Variants in CCSER1 observed in about 807,000 individuals in gnomAD.
CCSER1 encodes coiled-coil serine rich protein 1, also known as serine-rich coiled-coil domain-containing protein 1.
CCSER1 carries 41 observed loss-of-function variants against 82.0 expected under a neutral mutation model. That is an observed-to-expected ratio of 0.50 (90% CI 0.39 to 0.65). CCSER1 has a LOEUF of 0.65. Among genes scored for constraint, CCSER1 ranks in the 30% least tolerant of loss-of-function variants. The pLI is 0.00. For missense variants in CCSER1, 1,119 were observed against 1,064.2 expected, an observed-to-expected ratio of 1.05 and a Z score of -0.72; for synonymous variants, 414 against 383.9, an observed-to-expected ratio of 1.08 and a Z score of -0.92.
chr4:90,971,457 T>A (rs534761036), intron 9 of CCSER1, among the ~76,000 whole-genome samples: 19 of 152,044 alleles, frequency 1.2e-4, no homozygotes, highest in Non-Finnish European at 2.5e-4. Context: ...GGGATTACAA[T>A]TGAACATGAG....
At chr4:90,477,831 T>C (rs1765319524) in intron 5 of CCSER1, among the ~76,000 whole-genome samples, 1 of 152,094 alleles carries the variant, frequency 6.6e-6, no homozygotes, top group South Asian at 2.1e-4. Context: ...ATGATAGTTG[T>C]CCAACATTAT....
intron 10 of CCSER1, among the ~76,000 whole-genome samples, chr4:91,375,886 C>A (rs1028119079): frequency 1.3e-5 from 2 of 151,960 alleles, no homozygotes; most frequent in African/African-American, 4.8e-5. Flanking sequence ...TTGCATTATA[C>A]CTCATTGGGG....
intron 1 of CCSER1, among the ~76,000 whole-genome samples, chr4:90,273,246 G>C (rs1288937801): frequency 6.6e-6 from 1 of 151,886 alleles, no homozygotes; most frequent in Admixed American, 6.6e-5. Context: ...TGGGAAGATG[G>C]GATAGTTAAT....
At chr4:91,522,596 G>T (rs1760542839) in intron 10 of CCSER1, among the ~76,000 whole-genome samples, 1 of 152,136 alleles carries the variant, frequency 6.6e-6, no homozygotes, top group Non-Finnish European at 1.5e-5. Flanking sequence ...CACATACCTT[G>T]TAAGTTGGAT....
intron 10 of CCSER1, among the ~76,000 whole-genome samples, chr4:91,097,451 T>C (rs756495258): frequency 4.6e-5 from 7 of 152,184 alleles, no homozygotes; most frequent in Non-Finnish European, 1.0e-4. Flanking sequence ...CTTAAAGTGA[T>C]GAACAGTCTT....
chr4:91,337,512 G>C lies in CCSER1; in HGVS notation c.2217+251518G>C, dbSNP rs1290152749. 2.0e-5 allele frequency among the ~76,000 whole-genome samples: 3 copies of C among 152,176 alleles called. No individual in the cohort carries two copies. The South Asian group carries it at 6.2e-4, about 32-fold the overall frequency. ...TCCATATTGATATTCCATGCATTAG[G>C]CATCTTATAAACTTTGGACTGCAGC... On this transcript the variant is annotated intron_variant, in intron 10 of 10. Transcript: ENST00000509176.
chr4:91,517,098 G>A (rs1283960114), intron 10 of CCSER1, among the ~76,000 whole-genome samples: 2 of 152,124 alleles, frequency 1.3e-5, no homozygotes, highest in Admixed American at 6.6e-5. Context: ...GGAACTTTTG[G>A]TCAGACAATA....
intron 10 of CCSER1, among the ~76,000 whole-genome samples, chr4:91,425,628 T>C (rs906312181): frequency 2.1e-4 from 32 of 151,874 alleles, no homozygotes; most frequent in African/African-American, 7.3e-4. Context: ...TCAACTTTTA[T>C]CTTAAGTTAA....
chr4:91,269,840 A>G (rs1581877494), intron 10 of CCSER1, among the ~76,000 whole-genome samples: 1 of 152,250 alleles, frequency 6.6e-6, no homozygotes, highest in South Asian at 2.1e-4. Flanking sequence ...TTTAGATTCC[A>G]ATTGTGTACT....
At chr4:90,891,085 CAAAT>C (rs1279166760) in intron 8 of CCSER1, among the ~76,000 whole-genome samples, 2 of 151,468 alleles carry the variant, frequency 1.3e-5, no homozygotes, top group African/African-American at 4.9e-5. Flanking sequence ...AGATAATTTC[CAAAT>C]AAAGTTAGGA....
chr4:90,272,895 C>T (rs550928202), intron 1 of CCSER1, among the ~76,000 whole-genome samples: 4 of 152,096 alleles, frequency 2.6e-5, no homozygotes, highest in Admixed American at 2.0e-4. Flanking sequence ...CCCAGCTACT[C>T]GGGAGGCTGA....
intron 8 of CCSER1, among the ~76,000 whole-genome samples, chr4:90,846,926 T>C (rs148081399): frequency 0.016 from 2,413 of 152,270 alleles, 69 homozygotes; most frequent in African/African-American, 0.054. Context: ...GGATTACAGG[T>C]GTGAGCCACT....
intron 10 of CCSER1, among the ~76,000 whole-genome samples, chr4:91,128,281 A>G (rs1015154536): frequency 4.6e-5 from 7 of 152,022 alleles, no homozygotes; most frequent in African/African-American, 1.7e-4. Flanking sequence ...CCCTCCTTTT[A>G]TAATCATTAC....
At chr4:90,571,294 A>G (rs1196223613) in intron 5 of CCSER1, among the ~76,000 whole-genome samples, 1 of 152,228 alleles carries the variant, frequency 6.6e-6, no homozygotes, top group Non-Finnish European at 1.5e-5. Context: ...GTTTATTGCA[A>G]CACTATTCAC....
At chr4:90,652,642 C>T (rs1728970427) in intron 6 of CCSER1, among the ~76,000 whole-genome samples, 1 of 152,042 alleles carries the variant, frequency 6.6e-6, no homozygotes, top group African/African-American at 2.4e-5. Flanking sequence ...AAAAGAAGAC[C>T]AAGATGAGAT....
intron 9 of CCSER1, among the ~76,000 whole-genome samples, chr4:90,993,471 TTCTA>T (rs895319446): frequency 6.6e-6 from 1 of 152,078 alleles, no homozygotes; most frequent in African/African-American, 2.4e-5. Flanking sequence ...TATTTTTTTT[TTCTA>T]TCTCTCTTCT....
chr4:90,205,417 G>A (rs540826384), intron 1 of CCSER1, among the ~76,000 whole-genome samples: 16 of 151,058 alleles, frequency 1.1e-4, no homozygotes, highest in African/African-American at 3.9e-4. Context: ...TGTTGAAGCA[G>A]AAAGGTATGA....
At chr4:90,323,892 T>A (rs1737633198) in intron 3 of CCSER1, among the ~76,000 whole-genome samples, 1 of 152,124 alleles carries the variant, frequency 6.6e-6, no homozygotes, top group Non-Finnish European at 1.5e-5. Flanking sequence ...ATTGTTCAGT[T>A]CCCATCTATG....
At chr4:90,456,461 C>T (rs1302052831) in intron 4 of CCSER1, among the ~76,000 whole-genome samples, 1 of 152,164 alleles carries the variant, frequency 6.6e-6, no homozygotes, top group East Asian at 1.9e-4. Flanking sequence ...AGTGCTGACA[C>T]CCTAACAGGC....
Sources: allele counts gnomAD v4.1 joint callset (sites outside exome capture counted in the v4.1 genomes callset), GRCh38; gene constraint gnomAD v4.1.1; transcripts MANE v1.5; gene names NCBI Gene and HGNC (gene_info 2026-07-23, HGNC 2026-07-21).